The following COL18A1 variants were observed in gnomAD, a reference collection of about 807,000 sequenced individuals.
The protein encoded by COL18A1 is collagen alpha-1(XVIII) chain.
A neutral mutation model predicts 168.0 loss-of-function variants in COL18A1; 133 were observed. That is an observed-to-expected ratio of 0.79 (90% CI 0.69 to 0.91). COL18A1 has a LOEUF of 0.91. Ranked by LOEUF, COL18A1 falls within the 40% of genes least tolerant of loss-of-function variation. The probability of loss-of-function intolerance (pLI) is 0.00; values close to 1 mark genes in which losing one functional copy is unlikely to be tolerated. For synonymous variants in COL18A1, 949 were observed against 809.0 expected (o/e 1.17, Z -2.94); for missense variants, 2,126 against 1,925.4 (o/e 1.10, Z -1.95).
intron 32 of COL18A1, among the ~76,000 whole-genome samples, chr21:45,502,052 G>A (rs1390672731): frequency 1.9e-5 from 2 of 102,722 alleles, no homozygotes; most frequent in African/African-American, 8.7e-5. Flanking sequence ...CTCCGCAGCC[G>A]GTCACCTCCC....
At chr21:45,479,153 T>C (rs1487954578) in intron 9 of COL18A1, among the ~76,000 whole-genome samples, 3 of 149,936 alleles carry the variant, frequency 2.0e-5, no homozygotes, top group African/African-American at 7.4e-5. Context: ...TGCATGTGTT[T>C]GAGTGTGTGA....
intron 38 of COL18A1, among the ~76,000 whole-genome samples, chr21:45,508,982 G>A (rs1329657777): frequency 6.6e-6 from 1 of 152,126 alleles, no homozygotes; most frequent in South Asian, 2.1e-4. Context: ...GGTCACCTCT[G>A]AGGGAGACAG....
At chr21:45,421,635 C>T (rs779709445) in intron 2 of COL18A1, 14 of 523,028 alleles carry the variant, frequency 2.7e-5, no homozygotes, top group Middle Eastern at 3.2e-4. Flanking sequence ...AGGTGTGGAG[C>T]GGGTCAGGTG....
chr21:45,480,120 A>G lies in COL18A1; in HGVS notation c.1362A>G (p.Pro454=), dbSNP rs1292887088. The stretch of plus-strand genomic sequence containing the variant: ...GGCCCCCAGGACCCCAAGGGCCTCC[A>G]GGGCCCCCAGGACCCTCCTTCAGAC... The part of the protein sequence containing the change: ...ERGPPGPQGP[P]GPPGPSFRHD... Residue 454 remains proline, a synonymous_variant, in exon 11 of 42, where the codon CCA becomes CCG. Coordinates refer to ENST00000651438, the MANE Select transcript of COL18A1 (RefSeq NM_001379500.1). 6.2e-7 allele frequency: 1 copy of G among 1,601,188 alleles called. No individual in the cohort carries two copies. Among genetic ancestry groups the G allele is most frequent in the Admixed American group, 1.7e-5 (1 of 59,860 alleles).
At chr21:45,414,755 CT>C (rs2033394560) in intron 2 of COL18A1, among the ~76,000 whole-genome samples, 1 of 152,234 alleles carries the variant, frequency 6.6e-6, no homozygotes, top group Admixed American at 6.5e-5. Context: ...CTCATTTATG[CT>C]TCCACTTCCG....
At position 45,498,279 on chromosome 21, in the gene COL18A1, C is replaced by T. The variant is rs751379919; in HGVS notation, c.2683+618C>T. ...CCCAGAGAGCCAGGCTAGCCTCGGGCGCCTTTCACCACCAGGGTCCCCTCT... is the reference window on the plus strand; with the variant it reads ...CCCAGAGAGCCAGGCTAGCCTCGGGTGCCTTTCACCACCAGGGTCCCCTCT... On this transcript the variant is annotated intron_variant, in intron 32 of 41. Transcript: ENST00000651438. The surrounding 1 kb of genome is among the most constrained non-coding windows in gnomAD (Gnocchi z 4.5). The T allele has an allele frequency of 3.3e-5, 23 of 707,520 alleles. No homozygotes were observed. The highest frequency in any genetic ancestry group is 2.3e-4 in the Middle Eastern group (1 of 4,340). The allele number at this position is 707,520 out of a possible 1,614,324, so 43.8% of individuals were successfully genotyped here.
In COL18A1 at chr21:45,435,952, C is replaced by T. The variant is rs529455369; in HGVS notation, c.106+30479C>T. 2.0e-5 allele frequency among the ~76,000 whole-genome samples: 3 copies of T among 152,338 alleles called. No individual in the cohort carries two copies. The East Asian group carries it at 5.8e-4, about 29-fold the overall frequency. ...CACCCTGGGGTCCCAGCCTCACCCA[C>T]TATCCTTCACAGCAGAGCTGTGGGT... On this transcript the variant is annotated intron_variant, in intron 2 of 41. Coordinates refer to ENST00000651438, the MANE Select transcript of COL18A1 (RefSeq NM_001379500.1).
Position 45,498,057 on chromosome 21 carries a change from A to C in COL18A1, c.2683+396A>C, listed in dbSNP as rs558172634. Reference sequence around the variant, plus strand: ...CTCTCCAGGGTTTCATGTGGGAAGGAGGCGTTGCCCGACAGGCCGTCTGGA... The same window carrying C: ...CTCTCCAGGGTTTCATGTGGGAAGGCGGCGTTGCCCGACAGGCCGTCTGGA... On this transcript the variant is annotated intron_variant, in intron 32 of 41. Coordinates refer to ENST00000651438, the MANE Select transcript of COL18A1 (RefSeq NM_001379500.1). This position sits in a 1 kb window ranked among gnomAD's most constrained non-coding sequence, Gnocchi z 4.5. 21 of 606,670 alleles carry C rather than the reference A, an allele frequency of 3.5e-5. No individual in the cohort carries two copies. In the South Asian group the frequency reaches 4.0e-4, roughly 11 times the overall value. 37.6% of individuals were successfully genotyped at this position (606,670 alleles called of 1,614,324 possible). A position where few individuals can be genotyped will look rare whatever the true frequency, so the allele number is the denominator to read the frequency against.
rs770714794 is a variant in COL18A1, at chr21:45,505,126, G to A, written c.2869-8G>A. Reference sequence around the variant, plus strand: ...TAACCAGGAAGCGTCTCTTGTCGCCGTCCGTAGGGTCCCAAGGGAGAGAGC... The same window carrying A: ...TAACCAGGAAGCGTCTCTTGTCGCCATCCGTAGGGTCCCAAGGGAGAGAGC... On this transcript the variant is annotated splice_region_variant and splice_polypyrimidine_tract_variant and intron_variant, in intron 34 of 41. Coordinates refer to ENST00000651438, the MANE Select transcript of COL18A1 (RefSeq NM_001379500.1). 4.5e-5 allele frequency: 72 copies of A among 1,607,434 alleles called. No individual in the cohort carries two copies. The highest frequency in any genetic ancestry group is 1.0e-4 in the Admixed American group (6 of 59,602).
In COL18A1 at chr21:45,504,496, C is replaced by A. The variant is rs769063480; in HGVS notation, c.2808C>A (p.Ser936Arg). The A allele has an allele frequency of 1.3e-6, 2 of 1,516,216 alleles. No homozygotes were observed. The highest frequency in any genetic ancestry group is 4.8e-5 in the East Asian group (2 of 41,486). 93.9% of individuals were successfully genotyped at this position (1,516,216 alleles called of 1,614,324 possible). ...EPGGGGFFGS[S>R]LPGPPGPPGP... ...GGGGCGGCGGTTTCTTCGGCTCCAG[C>A]CTGCCCGGCCCCCCCGGCCCCCCAG... The change falls in exon 34 of 42, where the codon AGC becomes AGA. Residue 936 changes from serine to arginine, a missense_variant. Transcript: ENST00000651438.
Position 45,498,622 on chromosome 21 carries a change from C to T in COL18A1, c.2683+961C>T, listed in dbSNP as rs567629592. 2.1e-4 allele frequency: 149 copies of T among 704,406 alleles called. 2 individuals are homozygous for T. The South Asian group carries it at 2.2e-3, about 10-fold the overall frequency. 43.6% of individuals were successfully genotyped at this position (704,406 alleles called of 1,614,324 possible). A position where few individuals can be genotyped will look rare whatever the true frequency, so the allele number is the denominator to read the frequency against. On this transcript the variant is annotated intron_variant, in intron 32 of 41. Transcript: ENST00000651438. The surrounding 1 kb of genome is among the most constrained non-coding windows in gnomAD (Gnocchi z 4.5). ...GGGACATCCTTAAGGCCTGTGGAGG[C>T]AAAGGCAGGCAGAAAGCAAGCGGGA...
chr21:45,483,659 A>C (rs1327819328), intron 15 of COL18A1, among the ~76,000 whole-genome samples: 2 of 149,450 alleles, frequency 1.3e-5, no homozygotes, highest in Non-Finnish European at 3.0e-5. Flanking sequence ...TCATGTCCAA[A>C]ACGTCAGGAG....
chr21:45,447,697 A>G (rs1434881853), intron 2 of COL18A1, among the ~76,000 whole-genome samples: 4 of 152,198 alleles, frequency 2.6e-5, no homozygotes, highest in Non-Finnish European at 5.9e-5. Context: ...CCTGGAGAAG[A>G]ACAAAATCGG....
intron 15 of COL18A1, among the ~76,000 whole-genome samples, chr21:45,484,627 T>C (rs1171367890): frequency 6.6e-6 from 1 of 152,088 alleles, no homozygotes; most frequent in Non-Finnish European, 1.5e-5. Flanking sequence ...AACACATGTA[T>C]CTGGGGCATG....
At chr21:45,502,171 C>G (rs1052325818) in intron 32 of COL18A1, among the ~76,000 whole-genome samples, 1 of 152,190 alleles carries the variant, frequency 6.6e-6, no homozygotes, top group Admixed American at 6.5e-5. Context: ...GCAGCAGTGA[C>G]CTCCAACCCC....
Position 45,497,041 on chromosome 21 carries a change from T to TC in COL18A1, c.2578-7dup. 2 of 1,600,838 alleles carry TC rather than the reference T, an allele frequency of 1.2e-6. No homozygotes were observed. Among genetic ancestry groups the TC allele is most frequent in the South Asian group, 2.2e-5 (2 of 90,900 alleles). ...GCCCTCAGCAGCCGCCTCTCCCCGT[T>TC]CCTTGCAGGTGTTTGCTGAGTCCAG... On this transcript the variant is annotated splice_polypyrimidine_tract_variant and intron_variant, in intron 30 of 41. Coordinates refer to ENST00000651438, the MANE Select transcript of COL18A1 (RefSeq NM_001379500.1).
chr21:45,450,669 C>T (rs67349611), intron 2 of COL18A1, among the ~76,000 whole-genome samples: 19,482 of 152,236 alleles, frequency 0.13, 1,449 homozygotes, highest in East Asian at 0.22. Context: ...GTGGAACCTT[C>T]CCGAAGACCA....
intron 20 of COL18A1, 22 bp from the exon 21 acceptor site, chr21:45,490,814 C>A: frequency 2.6e-6 from 4 of 1,549,808 alleles, no homozygotes; most frequent in Non-Finnish European, 3.5e-6. Context: ...GGTGATGAAC[C>A]ATTTCCTTCC....
chr21:45,507,569 C>A lies in COL18A1; in HGVS notation c.3225C>A (p.Ala1075=), dbSNP rs1382124726. 1 of 1,613,022 alleles carries A rather than the reference C, an allele frequency of 6.2e-7. No homozygotes were observed. Among genetic ancestry groups the A allele is most frequent in the Non-Finnish European group, 8.5e-7 (1 of 1,179,924 alleles). Residue 1075 remains alanine, a synonymous_variant, in exon 38 of 42, where the codon GCC becomes GCA. Coordinates refer to ENST00000651438, the MANE Select transcript of COL18A1 (RefSeq NM_001379500.1). ...QNGFRKVQLE[A]RTPLPRGTDN... is the part of the protein sequence containing the mutation. ...CTGCTGCTTTCTTCCAGCTGGAGGCCCGGACACCACTCCCACGAGGGACGG... is the reference window on the plus strand; with the variant it reads ...CTGCTGCTTTCTTCCAGCTGGAGGCACGGACACCACTCCCACGAGGGACGG...
Sources: gnomAD v4.1 joint callset for allele counts (sites outside exome capture counted in the v4.1 genomes callset) on GRCh38, gnomAD v4.1.1 for gene constraint, Gnocchi (gnomAD v3.1) non-coding constraint, MANE v1.5 for transcripts, NCBI Gene and HGNC (gene_info 2026-07-23, HGNC 2026-07-21) for gene names.